AGO4: variants seen among roughly 807,000 people sequenced by gnomAD.
The protein encoded by AGO4 is argonaute RISC component 4.
A neutral mutation model predicts 104.7 loss-of-function variants in AGO4; 33 were observed. The ratio of observed to expected loss-of-function variants is 0.32; its 90% CI spans 0.24 to 0.42. The LOEUF (loss-of-function observed/expected upper bound fraction) is 0.42, where lower values mean the gene tolerates loss of function less well. AGO4 is among the 10% of genes least tolerant of loss of function. AGO4 has a pLI of 1.00. For missense variants in AGO4, 711 were observed against 1,083.4 expected (o/e 0.66, Z 4.83); for synonymous variants, 331 against 364.7 (o/e 0.91, Z 1.05).
intron 13 of AGO4, among the ~76,000 whole-genome samples, chr1:35,837,833 A>T (rs1409401581): frequency 6.6e-6 from 1 of 152,052 alleles, no homozygotes; most frequent in African/African-American, 2.4e-5. Flanking sequence ...TAGGCAGATT[A>T]TCTTCTCCTA....
chr1:35,832,930 T>G (rs1393618651), intron 11 of AGO4, among the ~76,000 whole-genome samples: 2 of 152,088 alleles, frequency 1.3e-5, no homozygotes, highest in East Asian at 3.8e-4. Context: ...GCTTGTTTTA[T>G]TGCAAGGTCT....
rs776276026 is a variant in AGO4, at chr1:35,841,257, T to C, written c.1817T>C (p.Val606Ala). Reference protein sequence around the residue: ...GDGKKPSIAAVVGSMDGHPSR... With the variant: ...GDGKKPSIAAAVGSMDGHPSR... ...GGGAAGAAACCTTCCATTGCTGCTG[T>C]GGTTGGCAGTATGGATGGCCACCCC... The change falls in exon 14 of 18, where the codon GTG becomes GCG. Residue 606 changes from valine to alanine, a missense_variant. Around this residue, in one of 3 missense-constraint regions of AGO4, gnomAD observed 401 missense variants for 665.5 expected, o/e 0.60. Coordinates refer to ENST00000373210, the MANE Select transcript of AGO4 (RefSeq NM_017629.4). The surrounding 1 kb of genome is among the most constrained non-coding windows in gnomAD (Gnocchi z 4.7). 6.2e-7 allele frequency: 1 copy of C among 1,614,146 alleles called. No individual in the cohort carries two copies.
chr1:35,817,510 A>C (rs1643750043), intron 2 of AGO4, among the ~76,000 whole-genome samples: 1 of 152,184 alleles, frequency 6.6e-6, no homozygotes, highest in Non-Finnish European at 1.5e-5. Flanking sequence ...AACTAAGCAC[A>C]GAGAGAAGCT....
In AGO4 at chr1:35,853,641, C is replaced by A; in HGVS notation, c.*36C>A. 1 of 1,584,504 alleles carries A rather than the reference C, an allele frequency of 6.3e-7. No individual in the cohort carries two copies. Among genetic ancestry groups the A allele is most frequent in the South Asian group, 1.1e-5 (1 of 90,012 alleles). Reference sequence around the variant, plus strand: ...AAAAGAACTCAACCAATTTGGCACCCCATGCAGCCTCAAAATGTTTCAAAT... The same window carrying A: ...AAAAGAACTCAACCAATTTGGCACCACATGCAGCCTCAAAATGTTTCAAAT... On this transcript the variant is annotated 3_prime_UTR_variant, in exon 18 of 18. Coordinates refer to ENST00000373210, the MANE Select transcript of AGO4 (RefSeq NM_017629.4).
intron 6 of AGO4, 49 bp from the exon 7 acceptor site, chr1:35,826,699 C>T: frequency 6.9e-7 from 1 of 1,454,010 alleles, no homozygotes; most frequent in South Asian, 1.2e-5. Flanking sequence ...CTGTTTTTGC[C>T]ACTGTGATTT....
At chr1:35,807,722 A>C (rs1007362846), upstream of AGO4, among the ~76,000 whole-genome samples, 1 of 152,126 alleles carries the variant, frequency 6.6e-6, no homozygotes, top group Non-Finnish European at 1.5e-5. Flanking sequence ...CTAGCGTCTA[A>C]GGTGACCCTA....
rs936852281 is a variant in AGO4 at position 35,855,307 on chromosome 1, G to A, written c.*1702G>A. 1.3e-5 allele frequency: 2 copies of A among 152,834 alleles called. No homozygotes were observed. Among genetic ancestry groups the A allele is most frequent in the African/African-American group, 2.4e-5 (1 of 41,460 alleles). 9.5% of individuals were successfully genotyped at this position (152,834 alleles called of 1,614,324 possible). On this transcript the variant is annotated 3_prime_UTR_variant, in exon 18 of 18. Transcript: ENST00000373210. ...GCCTGGAAACTGCTGGTGGGGAAATGATGGTGAAGGGTGTTTGCTTGAACT... is the reference window on the plus strand; with the variant it reads ...GCCTGGAAACTGCTGGTGGGGAAATAATGGTGAAGGGTGTTTGCTTGAACT...
In AGO4 at chr1:35,841,811, C is replaced by CATATATATATATATATATACATATATAT. The variant is rs1336128652; in HGVS notation, c.2175+80_2175+81insCATATATATATATATATATATATATATA. On this transcript the variant is annotated intron_variant, in intron 15 of 17. Coordinates refer to ENST00000373210, the MANE Select transcript of AGO4 (RefSeq NM_017629.4). The surrounding 1 kb of genome is among the most constrained non-coding windows in gnomAD (Gnocchi z 4.7). ...CTCTGGCAAGAGATGTATATATGCACATATATATATATATATATATATATA... is the reference window on the plus strand; with the variant it reads ...CTCTGGCAAGAGATGTATATATGCACATATATATATATATATATACATATATATATATATATATATATATATATATATA... 1.2e-5 allele frequency: 7 copies of CATATATATATATATATATACATATATAT among 606,490 alleles called. No homozygotes were observed. 37.6% of individuals were successfully genotyped at this position (606,490 alleles called of 1,614,324 possible). A position where few individuals can be genotyped will look rare whatever the true frequency, so the allele number is the denominator to read the frequency against.
chr1:35,816,360 A>G (rs575706236), intron 1 of AGO4, among the ~76,000 whole-genome samples: 2 of 152,346 alleles, frequency 1.3e-5, no homozygotes, highest in African/African-American at 4.8e-5. Flanking sequence ...TATGTTAAAA[A>G]TAATAGCAAC....
intron 15 of AGO4, among the ~76,000 whole-genome samples, chr1:35,846,039 T>C (rs1175394058): frequency 2.0e-5 from 3 of 152,184 alleles, no homozygotes; most frequent in African/African-American, 7.2e-5. Context: ...CCTGAGATAA[T>C]TGGGTGTGGA....
intron 7 of AGO4, among the ~76,000 whole-genome samples, chr1:35,829,122 C>T (rs1391093698): frequency 6.6e-6 from 1 of 151,128 alleles, no homozygotes; most frequent in Non-Finnish European, 1.5e-5. Flanking sequence ...ATATCAAAAT[C>T]ACCCAGAGGG....
intron 1 of AGO4, among the ~76,000 whole-genome samples, chr1:35,810,354 T>C (rs1329209516): frequency 6.6e-6 from 1 of 152,176 alleles, no homozygotes; most frequent in African/African-American, 2.4e-5. Flanking sequence ...TCATCCCTGC[T>C]TCTTTGGCAG....
chr1:35,809,511 G>T (rs12083902), intron 1 of AGO4, among the ~76,000 whole-genome samples: 1 of 152,012 alleles, frequency 6.6e-6, no homozygotes, highest in South Asian at 2.1e-4. Flanking sequence ...GAGTGATTAA[G>T]CCCCACCCTA....
At chr1:35,852,498 A>G (rs1165840407) in intron 17 of AGO4, among the ~76,000 whole-genome samples, 1 of 152,216 alleles carries the variant, frequency 6.6e-6, no homozygotes, top group Non-Finnish European at 1.5e-5. Flanking sequence ...AGGGAAGACA[A>G]GAAGAGACTG....
In AGO4 at chr1:35,808,845, C is replaced by G. The variant is rs1032645817; in HGVS notation, c.19+410C>G. ...CGCTGCCTACTACCAGCCGGTAGTCCTGGTTTGGGGCCGCGCCCCTATTTT... is the reference window on the plus strand; with the variant it reads ...CGCTGCCTACTACCAGCCGGTAGTCGTGGTTTGGGGCCGCGCCCCTATTTT... On this transcript the variant is annotated intron_variant, in intron 1 of 17. Transcript: ENST00000373210. This position sits in a 1 kb window ranked among gnomAD's most constrained non-coding sequence, Gnocchi z 5.2. Among the ~76,000 whole-genome samples the G allele has an allele frequency of 6.6e-6, 1 of 152,218 alleles. No individual in the cohort carries two copies. The highest frequency in any genetic ancestry group is 1.5e-5 in the Non-Finnish European group (1 of 68,042).
At chr1:35,850,493 A>C (rs1644673581) in intron 16 of AGO4, among the ~76,000 whole-genome samples, 1 of 152,020 alleles carries the variant, frequency 6.6e-6, no homozygotes, top group African/African-American at 2.4e-5. Flanking sequence ...GAAATATATT[A>C]ATCAGGCCAG....
At chr1:35,842,283 G>A (rs2148679444) in intron 15 of AGO4, among the ~76,000 whole-genome samples, 1 of 152,108 alleles carries the variant, frequency 6.6e-6, no homozygotes, top group East Asian at 1.9e-4. Flanking sequence ...ATCAGCAGTG[G>A]TGGAACAGTT....
rs1027098083 is a variant in AGO4 at position 35,841,260 on chromosome 1, T to A, written c.1820T>A (p.Val607Asp). ...DGKKPSIAAV[V>D]GSMDGHPSRY... ...AAGAAACCTTCCATTGCTGCTGTGG[T>A]TGGCAGTATGGATGGCCACCCCAGC... is the stretch of plus-strand genomic sequence containing the variant. Residue 607 changes from valine (V) to aspartate (D), a missense_variant, in exon 14 of 18, where the codon GTT becomes GAT. This residue lies in a region of AGO4 where 401 missense variants were observed against 665.5 expected (regional missense o/e 0.60). Transcript: ENST00000373210. The surrounding 1 kb of genome is among the most constrained non-coding windows in gnomAD (Gnocchi z 4.7). 6.2e-7 allele frequency: 1 copy of A among 1,614,086 alleles called. No homozygotes were observed. The highest frequency in any genetic ancestry group is 2.2e-5 in the East Asian group (1 of 44,864).
intron 13 of AGO4, among the ~76,000 whole-genome samples, chr1:35,839,758 A>G (rs1571298429): frequency 6.6e-6 from 1 of 151,960 alleles, no homozygotes; most frequent in African/African-American, 2.4e-5. Flanking sequence ...TTTAGTACCT[A>G]TTATATGAGG....
Sources: allele counts gnomAD v4.1 joint callset (sites outside exome capture counted in the v4.1 genomes callset), GRCh38; gene constraint gnomAD v4.1.1; regional missense constraint gnomAD v4.1.1; non-coding constraint Gnocchi (gnomAD v3.1); transcripts MANE v1.5; gene names NCBI Gene and HGNC (gene_info 2026-07-23, HGNC 2026-07-21).